Variants in PABPC1 observed in about 807,000 individuals in gnomAD.
PABPC1 encodes polyadenylate-binding protein 1.
In PABPC1, 4 loss-of-function variants were observed where a neutral mutation model predicts 74.0. The observed-to-expected ratio is 0.05, with a 90% CI of 0.03 to 0.12. PABPC1 has a LOEUF of 0.12. Ranked by LOEUF, PABPC1 falls within the 10% of genes least tolerant of loss-of-function variation. The probability of loss-of-function intolerance (pLI) is 1.00; values close to 1 mark genes in which losing one functional copy is unlikely to be tolerated. For synonymous variants in PABPC1, 227 were observed against 264.1 expected (o/e 0.86, Z 1.36); for missense variants, 271 against 821.1 (o/e 0.33, Z 8.19).
At chr8:100,705,387 T>TACC (rs1263072025) in intron 12 of PABPC1, among the ~76,000 whole-genome samples, 1 of 152,246 alleles carries the variant, frequency 6.6e-6, no homozygotes, top group Non-Finnish European at 1.5e-5. Flanking sequence ...AATGCCCTAC[T>TACC]ACCCTATTTA....
chr8:100,719,678 C>T (rs1159009104), intron 1 of PABPC1, among the ~76,000 whole-genome samples: 2 of 152,156 alleles, frequency 1.3e-5, no homozygotes, highest in Non-Finnish European at 2.9e-5. Flanking sequence ...ACCTGAAGTT[C>T]AACTCTTCGA....
At chr8:100,708,879 G>T (rs755542503) in intron 9 of PABPC1, among the ~76,000 whole-genome samples, 6 of 89,944 alleles carry the variant, frequency 6.7e-5, no homozygotes, top group African/African-American at 4.4e-4. Flanking sequence ...ACTCTGTCTC[G>T]AAAATAAATA....
chr8:100,708,722 G>A (rs191388445), intron 9 of PABPC1, among the ~76,000 whole-genome samples: 265 of 149,612 alleles, frequency 1.8e-3, no homozygotes, highest in African/African-American at 6.2e-3. Flanking sequence ...CTAATAATGC[G>A]TAAGTTAGCT....
intron 14 of PABPC1, among the ~76,000 whole-genome samples, chr8:100,703,647 T>A (rs1810302645): frequency 6.6e-6 from 1 of 152,158 alleles, no homozygotes; most frequent in Admixed American, 6.5e-5. Context: ...ACTACTCAAT[T>A]TCTTGGGAGT....
Position 100,707,757 on chromosome 8 carries a change from A to C in PABPC1, c.1337-760T>G, listed in dbSNP as rs139375515. 6.8e-4 allele frequency among the ~76,000 whole-genome samples: 104 copies of C among 152,316 alleles called. 2 individuals carry two copies. In the East Asian group the frequency reaches 0.015, roughly 21 times the overall value. On this transcript the variant is annotated intron_variant, in intron 9 of 14. Transcript: ENST00000318607. ...AAGAGGTGGAGGAGCAGTCTTCTCT[A>C]AACTCCCCAGGGGAAAAGCAGACTC...
Position 100,706,658 on chromosome 8 carries a change from A to G in PABPC1, c.1595T>C (p.Met532Thr), listed in dbSNP as rs747870836. 6.2e-7 allele frequency: 1 copy of G among 1,613,336 alleles called. No individual in the cohort carries two copies. ...QHLNAQPQVT[M>T]QQPAVHVQGQ... The stretch of plus-strand genomic sequence containing the variant: ...AAATCATTAAATCCATACCTGTTGC[A>G]TTGTAACTTGTGGCTGTGCATTAAG... Residue 532 changes from methionine (M) to threonine (T), a missense_variant, in exon 11 of 15, where the codon ATG becomes ACG. This residue lies in a region of PABPC1 where 103 missense variants were observed against 245.3 expected (regional missense o/e 0.42). Coordinates refer to ENST00000318607, the MANE Select transcript of PABPC1 (RefSeq NM_002568.4).
At chr8:100,715,321 T>C in intron 4 of PABPC1, 141 bp downstream of exon 4, 1 of 680,800 alleles carries the variant, frequency 1.5e-6, no homozygotes, top group Non-Finnish European at 2.4e-6. Context: ...GGCCAGCAGC[T>C]TAATTCAAAT....
rs1810557340 is a variant in PABPC1 at position 100,712,600 on chromosome 8, A to G, written c.876+52T>C. On this transcript the variant is annotated intron_variant, in intron 6 of 14. Transcript: ENST00000318607. ...CCTGGAAGTAACTGAAATCAACGTA[A>G]AATAGGTTTCCTCATCCCTGTCTTA... is the stretch of plus-strand genomic sequence containing the variant. The G allele has an allele frequency of 6.3e-6, 10 of 1,575,020 alleles. No individual in the cohort carries two copies. The South Asian group carries it at 1.2e-4, about 19-fold the overall frequency.
chr8:100,704,891 T>G, intron 13 of PABPC1, 35 bp downstream of exon 13: 1 of 1,609,588 alleles, frequency 6.2e-7, no homozygotes, highest in Non-Finnish European at 8.5e-7. Flanking sequence ...GTAATAACTG[T>G]GTAAGAGGCA....
chr8:100,712,698 T>C lies in PABPC1; in HGVS notation c.830A>G (p.Lys277Arg). Residue 277 changes from lysine (K) to arginine (R), a missense_variant, in exon 6 of 15, where the codon AAG becomes AGG. Physicochemically the swap from Lys to Arg is conservative, Grantham distance 26. Coordinates refer to ENST00000318607, the MANE Select transcript of PABPC1 (RefSeq NM_002568.4). ...TTGTTTCATCTGTTCAAATTTGCGC[T>C]TAAGTTCCGTCTGCCGTTCCACCTT... Reference protein sequence around the residue: ...QKKVERQTELKRKFEQMKQDR... With the variant: ...QKKVERQTELRRKFEQMKQDR... 1 of 1,613,596 alleles carries C rather than the reference T, an allele frequency of 6.2e-7. No homozygotes were observed. The highest frequency in any genetic ancestry group is 8.5e-7 in the Non-Finnish European group (1 of 1,179,940).
intron 3 of PABPC1, among the ~76,000 whole-genome samples, chr8:100,716,099 T>C (rs929933175): frequency 1.3e-5 from 2 of 152,194 alleles, no homozygotes; most frequent in Non-Finnish European, 2.9e-5. Flanking sequence ...AATATAACAG[T>C]AGTAATTCAG....
At chr8:100,709,832 T>C in intron 7 of PABPC1, 101 bp from the exon 8 acceptor site, 1 of 1,221,026 alleles carries the variant, frequency 8.2e-7, no homozygotes, top group East Asian at 2.5e-5. Context: ...ATCAAATAAC[T>C]AAACCCTGTT....
At chr8:100,706,049 T>G (rs1480652768) in intron 11 of PABPC1, among the ~76,000 whole-genome samples, 1 of 152,156 alleles carries the variant, frequency 6.6e-6, no homozygotes, top group Non-Finnish European at 1.5e-5. Context: ...TTCACCCTGT[T>G]GACCAGGCTG....
At position 100,722,010 on chromosome 8, in the gene PABPC1, A is replaced by ATT. The variant is rs143162885; in HGVS notation, c.-429_-428dup. ...AAAGATTTTTTTAGATTTTTTTTGG[A>ATT]TTTTTTAATAATAAATGTGTGTTCC... is the stretch of plus-strand genomic sequence containing the variant. On this transcript the variant is annotated 5_prime_UTR_variant, in exon 1 of 15. Coordinates refer to ENST00000318607, the MANE Select transcript of PABPC1 (RefSeq NM_002568.4). 1 of 156,282 alleles carries ATT rather than the reference A, an allele frequency of 6.4e-6. No homozygotes were observed. Among genetic ancestry groups the ATT allele is most frequent in the African/African-American group, 2.4e-5 (1 of 41,264 alleles). 9.7% of individuals were successfully genotyped at this position (156,282 alleles called of 1,614,324 possible).
At chr8:100,715,122 TACACACACACACACACACAC>T (rs56819980) in intron 4 of PABPC1, among the ~76,000 whole-genome samples, 4 of 131,302 alleles carry the variant, frequency 3.0e-5, no homozygotes, top group Non-Finnish European at 6.7e-5. Flanking sequence ...GATCTCTAAT[TACACACACACACACACACAC>T]ACACACACAC....
chr8:100,706,596 C>T (rs1292369646), intron 11 of PABPC1, 55 bp downstream of exon 11: 1 of 1,527,796 alleles, frequency 6.5e-7, no homozygotes, highest in Non-Finnish European at 9.0e-7. Flanking sequence ...TGTCTTCACA[C>T]CTTTGATTTC....
intron 12 of PABPC1, among the ~76,000 whole-genome samples, 199 bp from the exon 13 acceptor site, chr8:100,705,255 C>G (rs1422053481): frequency 1.3e-5 from 2 of 152,248 alleles, no homozygotes; most frequent in Non-Finnish European, 2.9e-5. Flanking sequence ...ATATTATCAG[C>G]TTGCCAATTA....
At chr8:100,712,517 G>C (rs569654380) in intron 6 of PABPC1, 60 bp from the exon 7 acceptor site, 17 of 1,451,244 alleles carry the variant, frequency 1.2e-5, no homozygotes, top group African/African-American at 8.5e-5. Flanking sequence ...TAAGTACATC[G>C]GGTCTATTAT....
intron 7 of PABPC1, among the ~76,000 whole-genome samples, chr8:100,710,138 T>C (rs1039153): frequency 0.28 from 42,414 of 152,150 alleles, 6,139 homozygotes; most frequent in South Asian, 0.36. Context: ...GACAAGATGC[T>C]TCACTATGCC....
Sources: allele counts gnomAD v4.1 joint callset (sites outside exome capture counted in the v4.1 genomes callset), GRCh38; gene constraint gnomAD v4.1.1; regional missense constraint gnomAD v4.1.1; transcripts MANE v1.5; gene names NCBI Gene and HGNC (gene_info 2026-07-23, HGNC 2026-07-21).